FGD4: variants seen among roughly 807,000 people sequenced by gnomAD.
The protein encoded by FGD4 is FYVE, RhoGEF and PH domain-containing protein 4.
Under a neutral mutation model 102.0 loss-of-function variants are expected in FGD4, and 42 were observed. The ratio of observed to expected loss-of-function variants is 0.41; its 90% CI spans 0.32 to 0.53. FGD4 has a LOEUF of 0.53. Ranked by LOEUF, FGD4 falls within the 20% of genes least tolerant of loss-of-function variation. FGD4 has a pLI of 0.21. For synonymous variants in FGD4, 380 were observed against 375.7 expected, an observed-to-expected ratio of 1.01 and a Z score of -0.13; for missense variants, 902 against 1,078.2, an observed-to-expected ratio of 0.84 and a Z score of 2.29.
chr12:32,402,117 A>ATTT (rs56852726), intron 1 of FGD4, among the ~76,000 whole-genome samples: 4 of 105,204 alleles, frequency 3.8e-5, no homozygotes, highest in East Asian at 2.7e-4. Flanking sequence ...TTGGCCAGGC[A>ATTT]TTTTTTTTTT....
At chr12:32,566,577 G>A (rs1367481795) in intron 2 of FGD4, among the ~76,000 whole-genome samples, 5 of 152,084 alleles carry the variant, frequency 3.3e-5, no homozygotes, top group Non-Finnish European at 5.9e-5. Context: ...CTTTGAACAT[G>A]CGCCATGCAG....
intron 1 of FGD4, chr12:32,502,407 CCAAGG>C (rs1938296719): frequency 2.2e-6 from 2 of 918,934 alleles, no homozygotes; most frequent in East Asian, 2.4e-4. Flanking sequence ...TCCATGTGGT[CCAAGG>C]AAAGTGAGCT....
intron 1 of FGD4, among the ~76,000 whole-genome samples, chr12:32,497,198 A>T (rs1937874432): frequency 6.6e-6 from 1 of 152,200 alleles, no homozygotes. Context: ...ATGATGGGCC[A>T]CTAAAAAAGT....
At chr12:32,477,123 A>G (rs562285053) in intron 1 of FGD4, among the ~76,000 whole-genome samples, 12 of 152,290 alleles carry the variant, frequency 7.9e-5, no homozygotes, top group African/African-American at 2.9e-4. Context: ...CCCTTTCTCT[A>G]CTAAAAGTAC....
At chr12:32,572,103 C>T (rs1418582844) in intron 2 of FGD4, among the ~76,000 whole-genome samples, 1 of 151,988 alleles carries the variant, frequency 6.6e-6, no homozygotes, top group East Asian at 1.9e-4. Context: ...CACACACATA[C>T]ATACACACAC....
At chr12:32,464,622 A>G (rs375616691) in intron 1 of FGD4, among the ~76,000 whole-genome samples, 2 of 152,342 alleles carry the variant, frequency 1.3e-5, no homozygotes, top group African/African-American at 2.4e-5. Context: ...GAGAGCTTCT[A>G]TGTACTAGGT....
chr12:32,636,456 C>T (rs1355902178), intron 15 of FGD4, among the ~76,000 whole-genome samples: 1 of 151,952 alleles, frequency 6.6e-6, no homozygotes, highest in East Asian at 1.9e-4. Flanking sequence ...TCGCTTGAAC[C>T]TGGGCGGCGG....
intron 1 of FGD4, among the ~76,000 whole-genome samples, chr12:32,479,786 C>CTTTTTTTTT (rs559968024): frequency 1.9e-5 from 2 of 106,598 alleles, no homozygotes; most frequent in Admixed American, 1.1e-4. Context: ...AAGCATTATT[C>CTTTTTTTTT]TTTTTTTTTT....
At chr12:32,568,820 A>G (rs1945397482) in intron 2 of FGD4, among the ~76,000 whole-genome samples, 1 of 152,230 alleles carries the variant, frequency 6.6e-6, no homozygotes, top group African/African-American at 2.4e-5. Context: ...ATTGAAGACT[A>G]CTGACTTAAA....
intron 1 of FGD4, among the ~76,000 whole-genome samples, chr12:32,504,235 C>A (rs1218726530): frequency 6.6e-6 from 1 of 152,078 alleles, no homozygotes; most frequent in East Asian, 1.9e-4. Flanking sequence ...TAACAAGAAA[C>A]TTAGTGGTTC....
chr12:32,571,227 G>A (rs771208489), intron 2 of FGD4, among the ~76,000 whole-genome samples: 6 of 152,206 alleles, frequency 3.9e-5, no homozygotes, highest in Non-Finnish European at 7.3e-5. Flanking sequence ...GGCTGAGGCA[G>A]GCGGATCACC....
rs1274035501 is a variant in FGD4 at position 32,530,957 on chromosome 12, T to TG, written c.167-33180_167-33179insG. Among the ~76,000 whole-genome samples the TG allele has an allele frequency of 5.5e-4, 73 of 132,418 alleles. 3 individuals carry two copies. The South Asian group carries it at 0.019, about 34-fold the overall frequency. The allele number at this position is 132,418 out of a possible 152,430, so 86.9% of individuals were successfully genotyped here. ...CTAGCTTTGGTTTTTTTTTTTTTTTTTTTTTTTTTTTTTGAGACAGAGCCT... is the reference window on the plus strand; with the variant it reads ...CTAGCTTTGGTTTTTTTTTTTTTTTTGTTTTTTTTTTTTTGAGACAGAGCCT... On this transcript the variant is annotated intron_variant, in intron 1 of 16. Transcript: ENST00000534526.
intron 10 of FGD4, among the ~76,000 whole-genome samples, chr12:32,611,525 C>T (rs1260147540): frequency 6.6e-6 from 1 of 152,030 alleles, no homozygotes; most frequent in East Asian, 1.9e-4. Context: ...GGGAAGTGAG[C>T]TGGTTGTAGT....
chr12:32,437,721 AT>A (rs57907753), intron 1 of FGD4, among the ~76,000 whole-genome samples: 9,471 of 152,076 alleles, frequency 0.062, 948 homozygotes, highest in African/African-American at 0.21. Flanking sequence ...TAAAAGCAAA[AT>A]TTTTTCTAGA....
Position 32,576,200 on chromosome 12 carries a change from A to C in FGD4, c.320-66A>C, listed in dbSNP as rs1038022527. ...TGCTGAATATTTTTGCACCCAGGAC[A>C]CCAGAATTTTTATTGTTATTGAACA... is the stretch of plus-strand genomic sequence containing the variant. On this transcript the variant is annotated intron_variant, in intron 2 of 16. Transcript: ENST00000534526. 1.0e-5 allele frequency: 15 copies of C among 1,497,480 alleles called. No individual in the cohort carries two copies. The African/African-American group carries it at 1.9e-4, about 19-fold the overall frequency. The allele number at this position is 1,497,480 out of a possible 1,614,324, so 92.8% of individuals were successfully genotyped here.
intron 1 of FGD4, among the ~76,000 whole-genome samples, chr12:32,402,552 T>G (rs553257115): frequency 1.3e-5 from 2 of 151,976 alleles, no homozygotes; most frequent in East Asian, 3.9e-4. Flanking sequence ...GGCTCAAAGC[T>G]ATCCTTCTGC....
chr12:32,472,262 A>T (rs1441213693), intron 1 of FGD4, among the ~76,000 whole-genome samples: 1 of 151,928 alleles, frequency 6.6e-6, no homozygotes, highest in Non-Finnish European at 1.5e-5. Context: ...GCCGGAGCCC[A>T]CTCCCTCAGC....
At chr12:32,414,562 C>T (rs1941330623) in intron 1 of FGD4, among the ~76,000 whole-genome samples, 1 of 151,910 alleles carries the variant, frequency 6.6e-6, no homozygotes, top group Admixed American at 6.6e-5. Context: ...ATTAATCATC[C>T]CCATTTCCCC....
chr12:32,553,972 G>A (rs768331390), intron 1 of FGD4, among the ~76,000 whole-genome samples: 21 of 152,106 alleles, frequency 1.4e-4, no homozygotes, highest in Non-Finnish European at 2.5e-4. Context: ...CATGCCTGTA[G>A]TCACAGCTAC....
Sources: allele counts gnomAD v4.1 joint callset (sites outside exome capture counted in the v4.1 genomes callset), GRCh38; gene constraint gnomAD v4.1.1; transcripts MANE v1.5; gene names NCBI Gene and HGNC (gene_info 2026-07-23, HGNC 2026-07-21).